CREG2: variants seen among roughly 807,000 people sequenced by gnomAD.
CREG2 encodes cellular repressor of E1A stimulated genes 2.
A neutral mutation model predicts 26.2 loss-of-function variants in CREG2; 24 were observed. The ratio of observed to expected loss-of-function variants is 0.92; its 90% CI spans 0.66 to 1.29. CREG2 has a LOEUF of 1.29. Ranked by LOEUF, CREG2 falls within the 50% of genes most tolerant of loss-of-function variation. The probability of loss-of-function intolerance (pLI) is 0.00; values close to 1 mark genes in which losing one functional copy is unlikely to be tolerated. For missense variants in CREG2, 366 were observed against 398.6 expected (o/e 0.92, Z 0.70); for synonymous variants, 174 against 169.2 (o/e 1.03, Z -0.22).
In CREG2 at chr2:101,374,694, C is replaced by G. The variant is rs556410384; in HGVS notation, c.611+8839G>C. ...TGTGTGTTCGCTTGATCCAGCTCAT[C>G]TAAAAATGACTGAATGAATAGAGTG... is the stretch of plus-strand genomic sequence containing the variant. On this transcript the variant is annotated intron_variant, in intron 2 of 3. Coordinates refer to ENST00000324768, the MANE Select transcript of CREG2 (RefSeq NM_153836.4). Among the ~76,000 whole-genome samples the G allele has an allele frequency of 1.6e-4, 24 of 152,322 alleles. No individual in the cohort carries two copies. The South Asian group carries it at 2.7e-3, about 17-fold the overall frequency.
intron 2 of CREG2, among the ~76,000 whole-genome samples, chr2:101,371,716 G>C (rs139439510): frequency 6.6e-6 from 1 of 152,168 alleles, no homozygotes; most frequent in Non-Finnish European, 1.5e-5. Context: ...AGCTCTCCCC[G>C]TGCTGCAGAG....
In CREG2 at chr2:101,350,290, T is replaced by C. The variant is rs1401401648; in HGVS notation, c.*633A>G. 2.6e-5 allele frequency: 4 copies of C among 152,220 alleles called. No homozygotes were observed. Among genetic ancestry groups the C allele is most frequent in the Non-Finnish European group, 5.9e-5 (4 of 68,058 alleles). The allele number at this position is 152,220 out of a possible 1,614,324, so 9.4% of individuals were successfully genotyped here. On this transcript the variant is annotated 3_prime_UTR_variant, in exon 4 of 4. Transcript: ENST00000324768. Reference sequence around the variant, plus strand: ...TTAATGACTGCCATGGCTGCTTACATAGAGAAGGGCTATGCACAAAGCACC... The same window carrying C: ...TTAATGACTGCCATGGCTGCTTACACAGAGAAGGGCTATGCACAAAGCACC...
intron 2 of CREG2, among the ~76,000 whole-genome samples, chr2:101,357,471 C>T (rs2104471638): frequency 6.6e-6 from 1 of 152,276 alleles, no homozygotes; most frequent in Admixed American, 6.5e-5. Flanking sequence ...CTCTTCTTGG[C>T]CACAGCTTGT....
rs1380885685 is a variant in CREG2, at chr2:101,346,823, CT to C, written c.*4099del. The stretch of plus-strand genomic sequence containing the variant: ...AGTTGTAAGAAATAATACAGAGATC[CT>C]GTGTTCTTTTTACCCAGTTTTCCCC... On this transcript the variant is annotated 3_prime_UTR_variant, in exon 4 of 4. Coordinates refer to ENST00000324768, the MANE Select transcript of CREG2 (RefSeq NM_153836.4). 6.6e-6 allele frequency: 1 copy of C among 152,160 alleles called. No homozygotes were observed. The highest frequency in any genetic ancestry group is 6.5e-5 in the Admixed American group (1 of 15,278). The allele number at this position is 152,160 out of a possible 1,614,324, so 9.4% of individuals were successfully genotyped here.
Position 101,354,814 on chromosome 2 carries a change from AAGT to A in CREG2, c.725+436_725+438del, listed in dbSNP as rs1251406388. Among the ~76,000 whole-genome samples, 5 of 152,168 alleles carry A rather than the reference AAGT, an allele frequency of 3.3e-5. No homozygotes were observed. The East Asian group carries it at 9.7e-4, about 29-fold the overall frequency. ...TCATTTCCGGAGAGTTTGATTCAGT[AAGT>A]AGGTTGGGGTTGGGCCCATAAAGCT... On this transcript the variant is annotated intron_variant, in intron 3 of 3. Transcript: ENST00000324768.
In CREG2 at chr2:101,345,797, A is replaced by C. The variant is rs1285349939; in HGVS notation, c.*5126T>G. The C allele has an allele frequency of 6.6e-6, 1 of 152,082 alleles. No individual in the cohort carries two copies. The highest frequency in any genetic ancestry group is 1.5e-5 in the Non-Finnish European group (1 of 68,032). 9.4% of individuals were successfully genotyped at this position (152,082 alleles called of 1,614,324 possible). A position where few individuals can be genotyped will look rare whatever the true frequency, so the allele number is the denominator to read the frequency against. ...CAGTATTTGATAGTTCAATTATTTA[A>C]ATAAATACAGACTTTTTGGAAAAAT... is the stretch of plus-strand genomic sequence containing the variant. On this transcript the variant is annotated 3_prime_UTR_variant, in exon 4 of 4. Coordinates refer to ENST00000324768, the MANE Select transcript of CREG2 (RefSeq NM_153836.4).
At chr2:101,367,303 G>A (rs1558817385) in intron 2 of CREG2, among the ~76,000 whole-genome samples, 2 of 152,066 alleles carry the variant, frequency 1.3e-5, no homozygotes, top group African/African-American at 2.4e-5. Context: ...CTAGCAAGAC[G>A]GTTCAATGTA....
In CREG2 at chr2:101,383,523, C is replaced by G. The variant is rs369282035; in HGVS notation, c.611+10G>C. ...AGGACCCGTGTGAGTGAGGGCAAAC[C>G]GTCGTCTACCTGCAGAACTCCCCTT... On this transcript the variant is annotated intron_variant, in intron 2 of 3. Transcript: ENST00000324768. 6.2e-7 allele frequency: 1 copy of G among 1,613,042 alleles called. No individual in the cohort carries two copies. The highest frequency in any genetic ancestry group is 8.5e-7 in the Non-Finnish European group (1 of 1,179,946).
At chr2:101,368,380 AG>A (rs1207901065) in intron 2 of CREG2, among the ~76,000 whole-genome samples, 1 of 151,936 alleles carries the variant, frequency 6.6e-6, no homozygotes, top group Non-Finnish European at 1.5e-5. Context: ...TTCTTACAGC[AG>A]CAATGGGAAA....
intron 3 of CREG2, among the ~76,000 whole-genome samples, chr2:101,353,970 G>T (rs1000491711): frequency 3.3e-5 from 5 of 152,136 alleles, no homozygotes; most frequent in Non-Finnish European, 7.3e-5. Flanking sequence ...CTGTCGGGGG[G>T]TGGAGGCAAG....
chr2:101,351,014 C>T lies in CREG2; in HGVS notation c.782G>A (p.Arg261Lys). The T allele has an allele frequency of 6.2e-7, 1 of 1,614,180 alleles. No homozygotes were observed. The highest frequency in any genetic ancestry group is 8.5e-7 in the Non-Finnish European group (1 of 1,180,012). Residue 261 changes from arginine (R) to lysine (K), a missense_variant, in exon 4 of 4, where the codon AGG becomes AAG. Coordinates refer to ENST00000324768, the MANE Select transcript of CREG2 (RefSeq NM_153836.4). ...RQYEWFFMKM[R>K]IEHIWLQKWY... ...TTTCTGAAGCCAGATATGTTCTATC[C>T]TCATCTTCATAAAGAACCATTCATA...
chr2:101,378,556 C>T (rs1211216597), intron 2 of CREG2, among the ~76,000 whole-genome samples: 2 of 152,168 alleles, frequency 1.3e-5, no homozygotes, highest in Admixed American at 1.3e-4. Flanking sequence ...CTATATCAGC[C>T]GTGATGGCTG....
At chr2:101,362,803 AG>A (rs1303799061) in intron 2 of CREG2, among the ~76,000 whole-genome samples, 2 of 152,150 alleles carry the variant, frequency 1.3e-5, no homozygotes, top group African/African-American at 4.8e-5. Flanking sequence ...GAGGATGGGC[AG>A]CTTGTAAACC....
At chr2:101,360,004 G>T (rs1684517027) in intron 2 of CREG2, among the ~76,000 whole-genome samples, 2 of 152,326 alleles carry the variant, frequency 1.3e-5, no homozygotes, top group Admixed American at 1.3e-4. Flanking sequence ...GCTGATAATG[G>T]AATTGACATT....
At chr2:101,358,276 G>A (rs192584271) in intron 2 of CREG2, among the ~76,000 whole-genome samples, 3 of 152,270 alleles carry the variant, frequency 2.0e-5, no homozygotes, top group African/African-American at 4.8e-5. Flanking sequence ...ACAGGCGTGA[G>A]CCACCGTGCC....
At chr2:101,377,065 A>G (rs921069519) in intron 2 of CREG2, among the ~76,000 whole-genome samples, 1 of 152,130 alleles carries the variant, frequency 6.6e-6, no homozygotes, top group African/African-American at 2.4e-5. Flanking sequence ...TAAATTCTAA[A>G]CTGAGACTTA....
chr2:101,383,528 T>C lies in CREG2; in HGVS notation c.611+5A>G. 1 of 1,613,552 alleles carries C rather than the reference T, an allele frequency of 6.2e-7. No homozygotes were observed. Among genetic ancestry groups the C allele is most frequent in the Non-Finnish European group, 8.5e-7 (1 of 1,180,000 alleles). On this transcript the variant is annotated splice_donor_5th_base_variant and intron_variant, in intron 2 of 3. Coordinates refer to ENST00000324768, the MANE Select transcript of CREG2 (RefSeq NM_153836.4). ...CCGTGTGAGTGAGGGCAAACCGTCG[T>C]CTACCTGCAGAACTCCCCTTCTGAT...
intron 2 of CREG2, among the ~76,000 whole-genome samples, chr2:101,368,253 A>C (rs1356510987): frequency 4.0e-5 from 6 of 149,750 alleles, no homozygotes; most frequent in Non-Finnish European, 7.4e-5. Flanking sequence ...GCACCATTGC[A>C]CTCCAGCCTG....
chr2:101,380,672 C>T (rs568274612), intron 2 of CREG2, among the ~76,000 whole-genome samples: 9 of 152,224 alleles, frequency 5.9e-5, no homozygotes, highest in Admixed American at 4.6e-4. Flanking sequence ...GGCCGGGCGC[C>T]GTGGCTCATG....
Sources: gnomAD v4.1 joint callset for allele counts (sites outside exome capture counted in the v4.1 genomes callset) on GRCh38, gnomAD v4.1.1 for gene constraint, MANE v1.5 for transcripts, NCBI Gene and HGNC (gene_info 2026-07-23, HGNC 2026-07-21) for gene names.